Variants in AVL9 observed in about 807,000 individuals in gnomAD.
AVL9 encodes late secretory pathway protein AVL9 homolog.
In AVL9, 49 loss-of-function variants were observed where a neutral mutation model predicts 79.2. The observed-to-expected ratio is 0.62, with a 90% CI of 0.49 to 0.79. The LOEUF is 0.79. Among genes scored for constraint, AVL9 ranks in the 30% least tolerant of loss-of-function variants. The pLI is 0.00. For synonymous variants in AVL9, 299 were observed against 280.6 expected, an observed-to-expected ratio of 1.07 and a Z score of -0.65; for missense variants, 682 against 776.8, an observed-to-expected ratio of 0.88 and a Z score of 1.45.
chr7:32,516,117 A>G (rs952959256), intron 1 of AVL9, among the ~76,000 whole-genome samples: 1 of 152,184 alleles, frequency 6.6e-6, no homozygotes, highest in Non-Finnish European at 1.5e-5. Flanking sequence ...GATTCTTCTT[A>G]GGTCTAAAGT....
At chr7:32,547,808 A>G (rs1357897747) in intron 3 of AVL9, among the ~76,000 whole-genome samples, 1 of 152,240 alleles carries the variant, frequency 6.6e-6, no homozygotes, top group Admixed American at 6.5e-5. Context: ...CAGCTAATTT[A>G]AAGTCTGTTC....
Position 32,544,882 on chromosome 7 carries a change from G to T in AVL9, c.300+103G>T. 5.1e-6 allele frequency: 4 copies of T among 777,896 alleles called. No homozygotes were observed. The South Asian group carries it at 7.8e-5, about 15-fold the overall frequency. The allele number at this position is 777,896 out of a possible 1,614,324, so 48.2% of individuals were successfully genotyped here. ...CAGTGGTGCCTGTAATGTTGTTTTAGATTTTTGTATACAATTTGTAGCTGT... is the reference window on the plus strand; with the variant it reads ...CAGTGGTGCCTGTAATGTTGTTTTATATTTTTGTATACAATTTGTAGCTGT... On this transcript the variant is annotated intron_variant, in intron 3 of 15. Transcript: ENST00000318709.
intron 1 of AVL9, among the ~76,000 whole-genome samples, chr7:32,496,653 T>A (rs1050985065): frequency 6.6e-5 from 10 of 152,228 alleles, no homozygotes; most frequent in African/African-American, 2.2e-4. Context: ...ATTGAAATGC[T>A]TTTTTGAAGT....
chr7:32,567,920 A>G (rs2128146779), intron 10 of AVL9, among the ~76,000 whole-genome samples: 1 of 151,798 alleles, frequency 6.6e-6, no homozygotes, highest in Admixed American at 6.6e-5. Context: ...GGGTTTCACC[A>G]TGTTGGTCAG....
At chr7:32,508,691 T>C (rs1787521392) in intron 1 of AVL9, among the ~76,000 whole-genome samples, 1 of 152,210 alleles carries the variant, frequency 6.6e-6, no homozygotes, top group South Asian at 2.1e-4. Flanking sequence ...TACTTACTCA[T>C]TTGGGCATCC....
At position 32,558,991 on chromosome 7, in the gene AVL9, GA is replaced by G; in HGVS notation, c.743del (p.Asp248ValfsTer44). On this transcript the variant is annotated frameshift_variant, in exon 10 of 16. Coordinates refer to ENST00000318709, the MANE Select transcript of AVL9 (RefSeq NM_015060.3). LOFTEE classifies it high-confidence loss of function. Reference sequence around the variant, plus strand: ...TAGACCCCGGAAAAGTATGTCTGAAGATGGTGGGCTTCAGGAAAGTAACCCA... The same window carrying G: ...TAGACCCCGGAAAAGTATGTCTGAAGTGGTGGGCTTCAGGAAAGTAACCCA... ...QYRPRKSMSE[D>X]GGLQESNPCA... 1 of 1,613,554 alleles carries G rather than the reference GA, an allele frequency of 6.2e-7. No homozygotes were observed.
chr7:32,499,707 A>G (rs979229092), intron 1 of AVL9, among the ~76,000 whole-genome samples: 1 of 152,082 alleles, frequency 6.6e-6, no homozygotes, highest in Non-Finnish European at 1.5e-5. Flanking sequence ...TTTAAGCCCC[A>G]TATGCATTAG....
rs576542285 is a variant in AVL9 at position 32,561,235 on chromosome 7, T to C, written c.1215+1771T>C. Among the ~76,000 whole-genome samples, 3 of 152,360 alleles carry C rather than the reference T, an allele frequency of 2.0e-5. No individual in the cohort carries two copies. In the South Asian group the frequency reaches 6.2e-4, roughly 32 times the overall value. On this transcript the variant is annotated intron_variant, in intron 10 of 15. Transcript: ENST00000318709. ...TTGACTTCTTCCCTACCTACAAAAG[T>C]CCTAGATGGCATCTTCTTCCAATAG...
intron 1 of AVL9, among the ~76,000 whole-genome samples, chr7:32,541,951 G>A (rs1183730962): frequency 3.3e-5 from 5 of 152,094 alleles, no homozygotes; most frequent in Non-Finnish European, 5.9e-5. Context: ...CTGGCCTCAA[G>A]TGATCCACCC....
chr7:32,552,528 T>A (rs1789878717), intron 6 of AVL9, among the ~76,000 whole-genome samples: 1 of 152,146 alleles, frequency 6.6e-6, no homozygotes. Flanking sequence ...TCTGCCTTTT[T>A]TTTTTTTGAG....
intron 8 of AVL9, among the ~76,000 whole-genome samples, chr7:32,555,652 G>A (rs1359218347): frequency 2.0e-5 from 3 of 152,260 alleles, no homozygotes; most frequent in East Asian, 3.9e-4. Context: ...CATATGGCCC[G>A]CAAAGCAAAA....
intron 3 of AVL9, among the ~76,000 whole-genome samples, chr7:32,546,073 T>TG (rs1259751606): frequency 7.4e-6 from 1 of 135,464 alleles, no homozygotes; most frequent in Non-Finnish European, 1.7e-5. Flanking sequence ...TGGAGACTTT[T>TG]TTTTTTTTTT....
At chr7:32,496,877 G>C (rs1049718125) in intron 1 of AVL9, among the ~76,000 whole-genome samples, 2 of 152,214 alleles carry the variant, frequency 1.3e-5, no homozygotes, top group Non-Finnish European at 2.9e-5. Flanking sequence ...GATATGAAAG[G>C]CTCACTTGAG....
chr7:32,529,480 A>G (rs941106866), intron 1 of AVL9, among the ~76,000 whole-genome samples: 10 of 152,228 alleles, frequency 6.6e-5, no homozygotes, highest in African/African-American at 2.4e-5. Context: ...AATACACCCT[A>G]TAGCTCAGTC....
chr7:32,584,714 A>T lies in AVL9; in HGVS notation c.*807A>T, dbSNP rs1791685239. On this transcript the variant is annotated 3_prime_UTR_variant, in exon 16 of 16. Coordinates refer to ENST00000318709, the MANE Select transcript of AVL9 (RefSeq NM_015060.3). ...TATTTTTCAACCGCAGTCATGTTGC[A>T]GTCTTACAAGCACTTTTTTTTTATT... 1 of 135,108 alleles carries T rather than the reference A, an allele frequency of 7.4e-6. No homozygotes were observed. The highest frequency in any genetic ancestry group is 2.3e-4 in the South Asian group (1 of 4,384). 8.4% of individuals were successfully genotyped at this position (135,108 alleles called of 1,614,324 possible).
At chr7:32,508,842 A>G (rs1787528943) in intron 1 of AVL9, among the ~76,000 whole-genome samples, 1 of 152,172 alleles carries the variant, frequency 6.6e-6, no homozygotes, top group Admixed American at 6.6e-5. Flanking sequence ...CTATGCTTGC[A>G]CCAGTATTAC....
intron 10 of AVL9, among the ~76,000 whole-genome samples, chr7:32,569,198 G>A (rs772976215): frequency 1.3e-5 from 2 of 152,172 alleles, no homozygotes; most frequent in Non-Finnish European, 2.9e-5. Flanking sequence ...TAGAACTTGA[G>A]GCTGAAAACA....
In AVL9 at chr7:32,495,583, C is replaced by G. The variant is rs1786755127; in HGVS notation, c.-127C>G. ...GGAGCTGCTTTGCCTCCACCGATCT[C>G]CCTGTGCGGCCCTCATGTGCTGTGC... On this transcript the variant is annotated 5_prime_UTR_variant, in exon 1 of 16. Coordinates refer to ENST00000318709, the MANE Select transcript of AVL9 (RefSeq NM_015060.3). 5.9e-6 allele frequency: 3 copies of G among 511,464 alleles called. No homozygotes were observed. The highest frequency in any genetic ancestry group is 9.4e-6 in the Non-Finnish European group (3 of 317,808). The allele number at this position is 511,464 out of a possible 1,614,324, so 31.7% of individuals were successfully genotyped here.
chr7:32,557,512 G>A (rs955732845), intron 8 of AVL9, among the ~76,000 whole-genome samples: 1 of 152,144 alleles, frequency 6.6e-6, no homozygotes, highest in Admixed American at 6.5e-5. Context: ...CAAGACTAGT[G>A]TTCTAGGGTG....
Sources: allele counts gnomAD v4.1 joint callset (sites outside exome capture counted in the v4.1 genomes callset), GRCh38; gene constraint gnomAD v4.1.1; transcripts MANE v1.5; gene names NCBI Gene and HGNC (gene_info 2026-07-23, HGNC 2026-07-21).